ATP8A1: variants seen among roughly 807,000 people sequenced by gnomAD.
ATP8A1 encodes ATPase phospholipid transporting 8A1, also known as phospholipid-transporting ATPase IA.
A neutral mutation model predicts 177.7 loss-of-function variants in ATP8A1; 90 were observed. The ratio of observed to expected loss-of-function variants is 0.51; its 90% CI spans 0.43 to 0.60. The LOEUF (loss-of-function observed/expected upper bound fraction) is 0.60. Ranked by LOEUF, ATP8A1 falls within the 20% of genes least tolerant of loss-of-function variation. ATP8A1 has a pLI of 0.00. For synonymous variants in ATP8A1, 493 were observed against 485.9 expected (o/e 1.01, Z -0.19); for missense variants, 1,072 against 1,392.8 (o/e 0.77, Z 3.67).
chr4:42,604,378 CT>C (rs1425443545), intron 5 of ATP8A1, among the ~76,000 whole-genome samples: 3 of 152,126 alleles, frequency 2.0e-5, no homozygotes, highest in Admixed American at 6.6e-5. Flanking sequence ...CAAGAGAAAC[CT>C]TCCCTATTAT....
intron 35 of ATP8A1, among the ~76,000 whole-genome samples, chr4:42,421,004 G>A (rs1228472330): frequency 6.6e-6 from 1 of 152,050 alleles, no homozygotes; most frequent in Non-Finnish European, 1.5e-5. Context: ...TCCTGACCTC[G>A]TGATCTGCCC....
chr4:42,470,257 T>A (rs891958596), intron 25 of ATP8A1, among the ~76,000 whole-genome samples: 2 of 152,254 alleles, frequency 1.3e-5, no homozygotes, highest in African/African-American at 4.8e-5. Flanking sequence ...TTATTTTGGC[T>A]GTAGTTTCTG....
chr4:42,469,348 A>C (rs1185671011), intron 25 of ATP8A1, among the ~76,000 whole-genome samples: 2 of 152,172 alleles, frequency 1.3e-5, no homozygotes, highest in Non-Finnish European at 2.9e-5. Context: ...GAGCATGTAC[A>C]CACCCAAGAG....
chr4:42,487,486 T>C (rs1269837085), intron 24 of ATP8A1, among the ~76,000 whole-genome samples: 3 of 152,138 alleles, frequency 2.0e-5, no homozygotes, highest in African/African-American at 4.8e-5. Context: ...ATTTCTGTTC[T>C]GAGTGCTAAG....
chr4:42,452,923 CA>C (rs1425983351), intron 29 of ATP8A1, among the ~76,000 whole-genome samples: 5 of 152,296 alleles, frequency 3.3e-5, no homozygotes, highest in African/African-American at 1.2e-4. Context: ...GCCTGCCTCC[CA>C]AAATTTTCCA....
intron 27 of ATP8A1, among the ~76,000 whole-genome samples, chr4:42,464,289 G>A (rs1480351302): frequency 1.4e-5 from 2 of 142,838 alleles, no homozygotes; most frequent in African/African-American, 2.6e-5. Context: ...TTTTTGGGGT[G>A]GAGTCTCACT....
intron 23 of ATP8A1, 29 bp from the exon 24 acceptor site, chr4:42,503,543 T>C (rs754277505): frequency 1.4e-6 from 2 of 1,423,916 alleles, no homozygotes; most frequent in Non-Finnish European, 2.0e-6. Flanking sequence ...TATATTAAAA[T>C]TAATTTCTCC....
chr4:42,424,712 T>C (rs1475358990), intron 33 of ATP8A1, among the ~76,000 whole-genome samples: 1 of 152,238 alleles, frequency 6.6e-6, no homozygotes, highest in African/African-American at 2.4e-5. Flanking sequence ...ACTTATTCAT[T>C]TGGACTCTCG....
In ATP8A1 at chr4:42,455,278, C is replaced by T. The variant is rs1260755857; in HGVS notation, c.2817+19G>A. The T allele has an allele frequency of 6.2e-7, 1 of 1,612,584 alleles. No homozygotes were observed. The highest frequency in any genetic ancestry group is 1.1e-5 in the South Asian group (1 of 90,860). On this transcript the variant is annotated intron_variant, in intron 29 of 36. Coordinates refer to ENST00000381668, the MANE Select transcript of ATP8A1 (RefSeq NM_006095.2). The stretch of plus-strand genomic sequence containing the variant: ...CACAGACCCACCAAACATGTCCCAG[C>T]CAGGGCACTGTGTCCTACCTTGGTG...
At chr4:42,518,698 A>G (rs1337124529) in intron 22 of ATP8A1, among the ~76,000 whole-genome samples, 1 of 152,256 alleles carries the variant, frequency 6.6e-6, no homozygotes, top group African/African-American at 2.4e-5. Flanking sequence ...GCTAAGTCCA[A>G]TATTATGGTC....
intron 20 of ATP8A1, among the ~76,000 whole-genome samples, chr4:42,541,507 A>G (rs1384709029): frequency 6.6e-6 from 1 of 152,212 alleles, no homozygotes; most frequent in Non-Finnish European, 1.5e-5. Context: ...AGATCTTGCA[A>G]TTATTCTCCT....
chr4:42,433,277 C>A (rs550928244), intron 33 of ATP8A1, among the ~76,000 whole-genome samples: 2 of 122,366 alleles, frequency 1.6e-5, no homozygotes, highest in South Asian at 2.5e-4. Context: ...GGGCGTCCAG[C>A]GCTCTCTTCT....
intron 14 of ATP8A1, among the ~76,000 whole-genome samples, chr4:42,573,152 A>G (rs1056089497): frequency 6.6e-6 from 1 of 152,230 alleles, no homozygotes; most frequent in Non-Finnish European, 1.5e-5. Flanking sequence ...TGTTCTGAAA[A>G]TTTCACAATC....
In ATP8A1 at chr4:42,446,573, C is replaced by T; in HGVS notation, c.2958+10G>A. 1 of 1,612,688 alleles carries T rather than the reference C, an allele frequency of 6.2e-7. No homozygotes were observed. The highest frequency in any genetic ancestry group is 8.5e-7 in the Non-Finnish European group (1 of 1,178,936). ...TTTACACGCAAACGAGACCGACATC[C>T]CGCACTCACAGTGTACACAAAGTTT... On this transcript the variant is annotated intron_variant, in intron 31 of 36. Transcript: ENST00000381668.
At chr4:42,526,577 T>C (rs1726694478) in intron 20 of ATP8A1, among the ~76,000 whole-genome samples, 1 of 152,208 alleles carries the variant, frequency 6.6e-6, no homozygotes, top group Non-Finnish European at 1.5e-5. Flanking sequence ...GGATGCTTCC[T>C]GTCCTTGAAC....
chr4:42,464,285 G>T (rs6823624), intron 27 of ATP8A1, among the ~76,000 whole-genome samples: 3 of 143,528 alleles, frequency 2.1e-5, no homozygotes, highest in Admixed American at 6.9e-5. Flanking sequence ...TTTTTTTTTG[G>T]GGTGGAGTCT....
At chr4:42,446,686 T>A in intron 30 of ATP8A1, 42 bp from the exon 31 acceptor site, 1 of 1,537,938 alleles carries the variant, frequency 6.5e-7, no homozygotes, top group Non-Finnish European at 9.0e-7. Flanking sequence ...AAAATGAGAT[T>A]CTTTCAGAAT....
intron 25 of ATP8A1, among the ~76,000 whole-genome samples, chr4:42,482,030 C>T (rs796837479): frequency 1.3e-5 from 2 of 152,108 alleles, no homozygotes; most frequent in African/African-American, 2.4e-5. Flanking sequence ...TGGCCAGGTG[C>T]GGTGGCTCAT....
At chr4:42,651,206 C>A (rs992749644) in intron 1 of ATP8A1, among the ~76,000 whole-genome samples, 2 of 152,138 alleles carry the variant, frequency 1.3e-5, no homozygotes, top group African/African-American at 4.8e-5. Context: ...AAACCTCTTT[C>A]TTTTGTAAAT....
Sources: allele counts gnomAD v4.1 joint callset (sites outside exome capture counted in the v4.1 genomes callset), GRCh38; gene constraint gnomAD v4.1.1; transcripts MANE v1.5; gene names NCBI Gene and HGNC (gene_info 2026-07-23, HGNC 2026-07-21).